The following HSPA12A variants were observed in gnomAD, a reference collection of about 807,000 sequenced individuals.
HSPA12A encodes the protein heat shock protein family A (Hsp70) member 12A, also known as heat shock 70 kDa protein 12A.
HSPA12A carries 28 observed loss-of-function variants against 69.2 expected under a neutral mutation model. The ratio of observed to expected loss-of-function variants is 0.40; its 90% CI spans 0.30 to 0.55. The LOEUF is 0.55. Among genes scored for constraint, HSPA12A ranks in the 20% least tolerant of loss-of-function variants. HSPA12A has a pLI of 0.38. For missense variants in HSPA12A, 686 were observed against 900.7 expected (o/e 0.76, Z 3.05); for synonymous variants, 345 against 370.5 (o/e 0.93, Z 0.79).
chr10:116,676,648 C>A, intron 10 of HSPA12A, 146 bp from the exon 11 acceptor site: 1 of 622,552 alleles, frequency 1.6e-6, no homozygotes, highest in East Asian at 2.7e-5. Flanking sequence ...CCTTTGGAAA[C>A]CCTAAACTGC....
At chr10:116,809,104 G>T (rs910210006) in intron 2 of HSPA12A, among the ~76,000 whole-genome samples, 6 of 152,168 alleles carry the variant, frequency 3.9e-5, no homozygotes, top group Non-Finnish European at 8.8e-5. Context: ...GGCAGGGAAG[G>T]GGGAGGATGA....
At chr10:116,789,974 A>G (rs930691840) in intron 2 of HSPA12A, among the ~76,000 whole-genome samples, 1 of 151,764 alleles carries the variant, frequency 6.6e-6, no homozygotes. Flanking sequence ...GCAGCCAGTG[A>G]GAGCCTTCAC....
At position 116,723,582 on chromosome 10, in the gene HSPA12A, G is replaced by A. The variant is rs1554884668; in HGVS notation, c.41-16297C>T. 1.3e-5 allele frequency among the ~76,000 whole-genome samples: 2 copies of A among 152,234 alleles called. No individual in the cohort carries two copies. Among genetic ancestry groups the A allele is most frequent in the African/African-American group, 2.4e-5 (1 of 41,466 alleles). On this transcript the variant is annotated intron_variant, in intron 1 of 11. Transcript: ENST00000369209. This position sits in a 1 kb window ranked among gnomAD's most constrained non-coding sequence, Gnocchi z 4.1. Reference sequence around the variant, plus strand: ...CACAGGGCTGCTGTGGAGACCACAAGGGGTGACCCATAAGGAAACTCCAGC... The same window carrying A: ...CACAGGGCTGCTGTGGAGACCACAAAGGGTGACCCATAAGGAAACTCCAGC...
At chr10:116,691,024 G>A (rs187606297) in intron 6 of HSPA12A, among the ~76,000 whole-genome samples, 25 of 152,324 alleles carry the variant, frequency 1.6e-4, no homozygotes, top group African/African-American at 2.6e-4. Flanking sequence ...CTTGTGCTCC[G>A]TGATGCCCAG....
intron 2 of HSPA12A, among the ~76,000 whole-genome samples, chr10:116,803,390 A>G (rs1017174982): frequency 6.6e-6 from 1 of 152,228 alleles, no homozygotes; most frequent in Non-Finnish European, 1.5e-5. Context: ...ACTGTGGGGA[A>G]GAGGAAGATC....
At position 116,708,056 on chromosome 10, in the gene HSPA12A, G is replaced by T. The variant is rs1256337844; in HGVS notation, c.41-771C>A. On this transcript the variant is annotated intron_variant, in intron 1 of 11. Transcript: ENST00000369209. The stretch of plus-strand genomic sequence containing the variant: ...CTGCACTCACCATCATTCAGGCCTA[G>T]CATTTTTCTGAAGTCTTCCCAGAGC... 3 of 152,228 alleles carry T rather than the reference G, an allele frequency of 2.0e-5. No homozygotes were observed. The East Asian group carries it at 5.8e-4, about 30-fold the overall frequency. 9.4% of individuals were successfully genotyped at this position (152,228 alleles called of 1,614,324 possible). A position where few individuals can be genotyped will look rare whatever the true frequency, so the allele number is the denominator to read the frequency against.
At chr10:116,766,969 G>A (rs1292941551) in intron 2 of HSPA12A, among the ~76,000 whole-genome samples, 1 of 152,196 alleles carries the variant, frequency 6.6e-6, no homozygotes, top group Non-Finnish European at 1.5e-5. Context: ...GCCCATCGCG[G>A]AGGGGAAGTG....
In HSPA12A at chr10:116,724,072, C is replaced by T. The variant is rs551652522; in HGVS notation, c.41-16787G>A. On this transcript the variant is annotated intron_variant, in intron 1 of 11. Transcript: ENST00000369209. ...CAGCCCTTCTGCACCTTGTACAGAG[C>T]CCTGCACCTGGGGAGGGCCCAGCCT... is the stretch of plus-strand genomic sequence containing the variant. 9.3e-4 allele frequency among the ~76,000 whole-genome samples: 142 copies of T among 152,308 alleles called. 2 individuals carry two copies. In the South Asian group the frequency reaches 0.027, roughly 29 times the overall value.
At chr10:116,785,355 G>A (rs1048049794) in intron 2 of HSPA12A, among the ~76,000 whole-genome samples, 13 of 152,230 alleles carry the variant, frequency 8.5e-5, no homozygotes, top group Admixed American at 5.9e-4. Context: ...GAACGGCCCC[G>A]ACCCAGGCCT....
intron 2 of HSPA12A, among the ~76,000 whole-genome samples, chr10:116,802,082 T>G (rs1012344101): frequency 3.3e-5 from 5 of 152,206 alleles, no homozygotes; most frequent in Non-Finnish European, 5.9e-5. Flanking sequence ...GAGAACAAGA[T>G]GGCAGCATCC....
At chr10:116,770,486 G>A (rs1317186769) in intron 2 of HSPA12A, among the ~76,000 whole-genome samples, 4 of 152,180 alleles carry the variant, frequency 2.6e-5, no homozygotes, top group East Asian at 1.9e-4. Context: ...AGATGCTCAG[G>A]GAAGGATGCA....
intron 2 of HSPA12A, among the ~76,000 whole-genome samples, chr10:116,772,719 G>T (rs1207444041): frequency 2.6e-5 from 4 of 151,402 alleles, no homozygotes; most frequent in East Asian, 2.0e-4. Context: ...TGGAGACAGG[G>T]TCTCCCTCTC....
intron 2 of HSPA12A, among the ~76,000 whole-genome samples, chr10:116,755,912 G>C (rs1272771102): frequency 7.9e-5 from 12 of 152,036 alleles, no homozygotes; most frequent in African/African-American, 2.7e-4. Context: ...GATCACCTGA[G>C]CCTGGGGAGG....
chr10:116,751,830 C>A (rs1851782489), intron 2 of HSPA12A, among the ~76,000 whole-genome samples: 1 of 152,124 alleles, frequency 6.6e-6, no homozygotes, highest in Non-Finnish European at 1.5e-5. Context: ...GTTCTCAGTT[C>A]ACTGACTCCT....
chr10:116,808,172 C>T lies in HSPA12A; in HGVS notation c.91+26763G>A, dbSNP rs58201475. Reference sequence around the variant, plus strand: ...TTTGGAGGAATATAGAAGAGTTTGGCGAAGGGGCCTTGAGTTTTTCTGATG... The same window carrying T: ...TTTGGAGGAATATAGAAGAGTTTGGTGAAGGGGCCTTGAGTTTTTCTGATG... On this transcript the variant is annotated intron_variant, in intron 2 of 12. Transcript: ENST00000635765. Among the ~76,000 whole-genome samples, 477 of 152,102 alleles carry T rather than the reference C, an allele frequency of 3.1e-3. 2 individuals carry two copies. The highest frequency in any genetic ancestry group is 0.011 in the African/African-American group (451 of 41,494).
intron 2 of HSPA12A, among the ~76,000 whole-genome samples, chr10:116,791,320 C>T (rs722564): frequency 0.29 from 44,337 of 152,196 alleles, 7,837 homozygotes; most frequent in Non-Finnish European, 0.4. Flanking sequence ...TCAAGAAAAT[C>T]TGACAGAACC....
chr10:116,742,278 G>T, intron 1 of HSPA12A, 152 bp downstream of exon 1: 2 of 819,042 alleles, frequency 2.4e-6, no homozygotes, highest in Non-Finnish European at 1.6e-6. Flanking sequence ...CCCCGCTGCT[G>T]CTGACCCCGG....
At chr10:116,841,705 T>C (rs1845803770) in intron 1 of HSPA12A, among the ~76,000 whole-genome samples, 1 of 151,692 alleles carries the variant, frequency 6.6e-6, no homozygotes. Flanking sequence ...TTTTATTTGC[T>C]AAAAAAAATA....
intron 2 of HSPA12A, among the ~76,000 whole-genome samples, chr10:116,794,389 C>G (rs1282851181): frequency 6.6e-6 from 1 of 152,072 alleles, no homozygotes; most frequent in Non-Finnish European, 1.5e-5. Flanking sequence ...ACAAGGCAAG[C>G]AAGCAGAATA....
Sources: gnomAD v4.1 joint callset for allele counts (sites outside exome capture counted in the v4.1 genomes callset) on GRCh38, gnomAD v4.1.1 for gene constraint, Gnocchi (gnomAD v3.1) non-coding constraint, MANE v1.5 for transcripts, NCBI Gene and HGNC (gene_info 2026-07-23, HGNC 2026-07-21) for gene names.